GOLIM4: variants seen among roughly 807,000 people sequenced by gnomAD.
The protein encoded by GOLIM4 is 130 kDa golgi-localized phosphoprotein.
Under a neutral mutation model 107.4 loss-of-function variants are expected in GOLIM4, and 71 were observed. That is an observed-to-expected ratio of 0.66 (90% CI 0.55 to 0.81). The LOEUF (loss-of-function observed/expected upper bound fraction) is 0.81. GOLIM4 is among the 30% of genes least tolerant of loss of function. GOLIM4 has a pLI of 0.00. For synonymous variants in GOLIM4, 327 were observed against 294.8 expected (o/e 1.11, Z -1.12); for missense variants, 830 against 826.1 (o/e 1.00, Z -0.06).
intron 7 of GOLIM4, among the ~76,000 whole-genome samples, chr3:168,037,718 G>T (rs1173017819): frequency 6.6e-6 from 1 of 152,160 alleles, no homozygotes; most frequent in African/African-American, 2.4e-5. Context: ...GCACCTGTGT[G>T]TACATGGGGT....
intron 1 of GOLIM4, among the ~76,000 whole-genome samples, chr3:168,084,608 C>A (rs943639323): frequency 1.3e-5 from 2 of 152,142 alleles, no homozygotes; most frequent in East Asian, 3.8e-4. Context: ...TCCTTTCCCA[C>A]AGAAGTTGTG....
At chr3:168,061,574 AGAAC>A in intron 1 of GOLIM4, among the ~76,000 whole-genome samples, 1 of 152,350 alleles carries the variant, frequency 6.6e-6, no homozygotes, top group Admixed American at 6.5e-5. Context: ...CTATCATAGT[AGAAC>A]GGATAAGCTG....
intron 1 of GOLIM4, among the ~76,000 whole-genome samples, chr3:168,088,063 C>T (rs1222094344): frequency 6.6e-6 from 1 of 152,046 alleles, no homozygotes; most frequent in Non-Finnish European, 1.5e-5. Context: ...AACCCATAAA[C>T]CATCTACTGG....
chr3:168,055,802 A>C (rs554960424), intron 1 of GOLIM4, among the ~76,000 whole-genome samples: 1,361 of 48,978 alleles, frequency 0.028, 18 homozygotes, highest in African/African-American at 0.067. Flanking sequence ...ACTCTGTCTC[A>C]AAAAAAAAAA....
rs1278840428 is a variant in GOLIM4, at chr3:168,030,012, T to C, written c.1201A>G (p.Ile401Val). 6.2e-7 allele frequency: 1 copy of C among 1,614,042 alleles called. No individual in the cohort carries two copies. Among genetic ancestry groups the C allele is most frequent in the Non-Finnish European group, 8.5e-7 (1 of 1,180,014 alleles). The change falls in exon 10 of 16, where the codon ATC (isoleucine) becomes GTC (valine). Residue 401 changes from isoleucine (I) to valine (V), a missense_variant. Physicochemically the swap from Ile to Val is conservative, Grantham distance 29. Transcript: ENST00000470487. ...TCCTCATAGGGTGATTGGAATTTGA[T>C]CATTGGCTTGGCTGAAGGGTACACC... ...AEVYPSAKPMIKFQSPYEEQL... is the reference protein window; with the variant it reads ...AEVYPSAKPMVKFQSPYEEQL...
chr3:168,056,383 G>C lies in GOLIM4; in HGVS notation c.188-8018C>G, dbSNP rs536565310. On this transcript the variant is annotated intron_variant, in intron 1 of 15. Transcript: ENST00000470487. ...GGGCACTCATGGAGAACCTCTGCTA[G>C]GTCAGTGTGGAAGAGAAATGTGGAG... is the stretch of plus-strand genomic sequence containing the variant. Among the ~76,000 whole-genome samples, 14 of 152,356 alleles carry C rather than the reference G, an allele frequency of 9.2e-5. No individual in the cohort carries two copies. In the South Asian group the frequency reaches 2.5e-3, roughly 27 times the overall value.
intron 14 of GOLIM4, among the ~76,000 whole-genome samples, chr3:168,023,533 A>G (rs949092758): frequency 1.3e-5 from 2 of 152,218 alleles, no homozygotes; most frequent in African/African-American, 2.4e-5. Flanking sequence ...TGTGTGTGAG[A>G]GCACAGCTCA....
At chr3:168,062,689 A>C (rs951938069) in intron 1 of GOLIM4, among the ~76,000 whole-genome samples, 6 of 152,142 alleles carry the variant, frequency 3.9e-5, no homozygotes, top group Non-Finnish European at 8.8e-5. Flanking sequence ...CTCTTCTCTG[A>C]GGAGTAATTT....
At chr3:168,062,760 C>T (rs1235487992) in intron 1 of GOLIM4, among the ~76,000 whole-genome samples, 1 of 152,016 alleles carries the variant, frequency 6.6e-6, no homozygotes, top group African/African-American at 2.4e-5. Flanking sequence ...TGACAGAGGG[C>T]GAGGAATGCA....
chr3:168,089,931 CTAA>C (rs1266945598), intron 1 of GOLIM4, among the ~76,000 whole-genome samples: 1 of 152,006 alleles, frequency 6.6e-6, no homozygotes, highest in Non-Finnish European at 1.5e-5. Context: ...CCACACCTGG[CTAA>C]TTTTTGTATT....
At chr3:168,092,393 T>C (rs780568242) in intron 1 of GOLIM4, among the ~76,000 whole-genome samples, 1 of 152,186 alleles carries the variant, frequency 6.6e-6, no homozygotes, top group Non-Finnish European at 1.5e-5. Flanking sequence ...CACCATCTTC[T>C]AGTTATGGGG....
chr3:168,019,464 A>G (rs66880726), intron 14 of GOLIM4, among the ~76,000 whole-genome samples: 44,789 of 152,114 alleles, frequency 0.29, 12,515 homozygotes, highest in African/African-American at 0.74. Flanking sequence ...CTGATGTCTC[A>G]TCCATACTTA....
chr3:168,041,563 CTTAT>C, intron 5 of GOLIM4, 89 bp from the exon 6 acceptor site: 1 of 647,038 alleles, frequency 1.5e-6, no homozygotes, highest in Non-Finnish European at 2.7e-6. Context: ...CCACCTATAA[CTTAT>C]TTTAGAATTT....
intron 14 of GOLIM4, among the ~76,000 whole-genome samples, chr3:168,018,372 G>C (rs1662414523): frequency 6.6e-6 from 1 of 152,184 alleles, no homozygotes; most frequent in South Asian, 2.1e-4. Context: ...AACTTGGCCT[G>C]TCGAGAGCCT....
rs747075328 is a variant in GOLIM4, at chr3:168,047,019, A to G, written c.263-20T>C. On this transcript the variant is annotated intron_variant, in intron 2 of 15. Transcript: ENST00000470487. ...GAAAATCTAGAAAATACAAGATGGA[A>G]AAAAACAGTGATAATTCACTACACA... 7 of 1,125,494 alleles carry G rather than the reference A, an allele frequency of 6.2e-6. No individual in the cohort carries two copies. Among genetic ancestry groups the G allele is most frequent in the South Asian group, 1.4e-5 (1 of 69,380 alleles). The allele number at this position is 1,125,494 out of a possible 1,614,324, so 69.7% of individuals were successfully genotyped here. A position where few individuals can be genotyped will look rare whatever the true frequency, so the allele number is the denominator to read the frequency against.
In GOLIM4 at chr3:168,010,098, T is replaced by C; in HGVS notation, c.*171A>G. ...ATATAAAAGAAGCTCTAGACCTACG[T>C]TATCAAAATATATTCATATAAATGT... On this transcript the variant is annotated 3_prime_UTR_variant, in exon 16 of 16. Coordinates refer to ENST00000470487, the MANE Select transcript of GOLIM4 (RefSeq NM_014498.5). The C allele has an allele frequency of 2.0e-6, 1 of 495,538 alleles. No individual in the cohort carries two copies. The highest frequency in any genetic ancestry group is 3.5e-6 in the Non-Finnish European group (1 of 287,180). The allele number at this position is 495,538 out of a possible 1,614,324, so 30.7% of individuals were successfully genotyped here. A position where few individuals can be genotyped will look rare whatever the true frequency, so the allele number is the denominator to read the frequency against.
intron 10 of GOLIM4, 92 bp from the exon 11 acceptor site, chr3:168,029,394 T>A: frequency 1.3e-6 from 1 of 775,786 alleles, no homozygotes; most frequent in Non-Finnish European, 2.1e-6. Context: ...CAGTAATAAG[T>A]AATGTTTCTC....
chr3:168,024,400 T>C (rs1316388513), intron 14 of GOLIM4, 126 bp downstream of exon 14: 2 of 771,024 alleles, frequency 2.6e-6, no homozygotes. Flanking sequence ...CCCTTTCTTA[T>C]CCTGCTTAAA....
chr3:168,083,574 T>C (rs185410044), intron 1 of GOLIM4, among the ~76,000 whole-genome samples: 68 of 152,318 alleles, frequency 4.5e-4, no homozygotes, highest in African/African-American at 1.6e-3. Flanking sequence ...TTCTTGCTAA[T>C]ATATTTCCAA....
Sources: allele counts gnomAD v4.1 joint callset (sites outside exome capture counted in the v4.1 genomes callset), GRCh38; gene constraint gnomAD v4.1.1; transcripts MANE v1.5; gene names NCBI Gene and HGNC (gene_info 2026-07-23, HGNC 2026-07-21).